Variants in PPP2R3A observed in about 807,000 individuals in gnomAD.
The protein encoded by PPP2R3A is protein phosphatase 2 regulatory subunit B''alpha, also known as serine/threonine-protein phosphatase 2A regulatory subunit B'' subunit alpha.
A neutral mutation model predicts 106.9 loss-of-function variants in PPP2R3A; 80 were observed. The ratio of observed to expected loss-of-function variants is 0.75; its 90% CI spans 0.62 to 0.90. PPP2R3A has a LOEUF of 0.90. Ranked by LOEUF, PPP2R3A falls within the 40% of genes least tolerant of loss-of-function variation. The pLI is 0.00. For synonymous variants in PPP2R3A, 483 were observed against 468.3 expected (o/e 1.03, Z -0.41); for missense variants, 1,386 against 1,350.4 (o/e 1.03, Z -0.41).
At chr3:135,994,204 A>G (rs1375761770) in intron 1 of PPP2R3A, among the ~76,000 whole-genome samples, 6 of 152,168 alleles carry the variant, frequency 3.9e-5, no homozygotes, top group South Asian at 2.1e-4. Flanking sequence ...TGAGATTTCT[A>G]TTTCTCTAGA....
At position 136,003,498 on chromosome 3, in the gene PPP2R3A, G is replaced by A; in HGVS notation, c.1995+5G>A. On this transcript the variant is annotated splice_donor_5th_base_variant and intron_variant, in intron 2 of 13. Transcript: ENST00000264977. ...CAGACTCCAGAGGTGATCAAGGTAA[G>A]ACCCAACAATTTTGAGTCCTAGGAA... 1 of 1,561,976 alleles carries A rather than the reference G, an allele frequency of 6.4e-7. No individual in the cohort carries two copies. Among genetic ancestry groups the A allele is most frequent in the Admixed American group, 2.0e-5 (1 of 48,808 alleles).
At chr3:136,030,729 A>C (rs1934840134) in intron 3 of PPP2R3A, among the ~76,000 whole-genome samples, 1 of 146,324 alleles carries the variant, frequency 6.8e-6, no homozygotes. Context: ...CCATTAATTC[A>C]TTCCTTTTTA....
intron 10 of PPP2R3A, among the ~76,000 whole-genome samples, chr3:136,092,999 A>C (rs1042828367): frequency 2.6e-5 from 4 of 152,254 alleles, no homozygotes; most frequent in African/African-American, 9.6e-5. Flanking sequence ...GCTATAAAAA[A>C]TTCAGAAGAA....
chr3:136,078,431 TAAG>T lies in PPP2R3A; in HGVS notation c.2612_2614del (p.Arg871del). 3 of 1,607,122 alleles carry T rather than the reference TAAG, an allele frequency of 1.9e-6. No individual in the cohort carries two copies. Among genetic ancestry groups the T allele is most frequent in the Non-Finnish European group, 2.6e-6 (3 of 1,174,290 alleles). The stretch of plus-strand genomic sequence containing the variant: ...AGTGGAAAAATTACTTCGACAGAGA[TAAG>T]AAAAAGCAACTTTTTGCAAGTATGC... On this transcript the variant is annotated inframe_deletion, in exon 7 of 14. Transcript: ENST00000264977.
intron 3 of PPP2R3A, among the ~76,000 whole-genome samples, chr3:136,029,602 G>GA (rs1934793961): frequency 6.6e-6 from 1 of 152,108 alleles, no homozygotes; most frequent in Non-Finnish European, 1.5e-5. Context: ...TGTGGCATCA[G>GA]AAAAAAACAG....
chr3:135,988,996 T>C (rs768333039), intron 1 of PPP2R3A, among the ~76,000 whole-genome samples: 8 of 152,190 alleles, frequency 5.3e-5, no homozygotes, highest in Non-Finnish European at 8.8e-5. Flanking sequence ...ATTTACATTT[T>C]TCCCTTCGTG....
intron 5 of PPP2R3A, among the ~76,000 whole-genome samples, chr3:136,059,911 T>C (rs1003386135): frequency 6.6e-6 from 1 of 152,206 alleles, no homozygotes; most frequent in Non-Finnish European, 1.5e-5. Context: ...TTCTCACTTA[T>C]AAGTGGGAGC....
intron 5 of PPP2R3A, among the ~76,000 whole-genome samples, chr3:136,063,059 G>T (rs1311684406): frequency 1.3e-5 from 2 of 152,154 alleles, no homozygotes; most frequent in Non-Finnish European, 2.9e-5. Context: ...CATGGTGCTG[G>T]TACCAAAACA....
intron 13 of PPP2R3A, among the ~76,000 whole-genome samples, chr3:136,126,334 G>A (rs770098959): frequency 4.6e-5 from 7 of 152,234 alleles, no homozygotes; most frequent in African/African-American, 1.2e-4. Context: ...TGCCTGGCTC[G>A]GCAGGTCCCA....
rs35988394 is a variant in PPP2R3A at position 136,002,538 on chromosome 3, G to T, written c.1040G>T (p.Arg347Leu). The T allele has an allele frequency of 6.2e-7, 1 of 1,613,908 alleles. No individual in the cohort carries two copies. The highest frequency in any genetic ancestry group is 8.5e-7 in the Non-Finnish European group (1 of 1,179,866). Residue 347 changes from arginine (R) to leucine (L), a missense_variant, in exon 2 of 14, where the codon CGA becomes CTA. Transcript: ENST00000264977. ...CAGCTCTCAGCTTCTGACTCTGGAC[G>T]ATTTCAAACTATTGAATTGCAAAAT... ...VVQLSASDSG[R>L]FQTIELQNDK...
At chr3:136,110,346 A>C (rs1273679023) in intron 13 of PPP2R3A, among the ~76,000 whole-genome samples, 1 of 152,212 alleles carries the variant, frequency 6.6e-6, no homozygotes, top group Non-Finnish European at 1.5e-5. Context: ...ATAAGAGAGA[A>C]TATCACACTC....
chr3:136,128,447 T>A (rs1046477123), intron 13 of PPP2R3A, among the ~76,000 whole-genome samples: 1 of 151,622 alleles, frequency 6.6e-6, no homozygotes, highest in African/African-American at 2.4e-5. Flanking sequence ...GGTAAAGGGA[T>A]CAATTCAACA....
rs1481835774 is a variant in PPP2R3A at position 136,146,039 on chromosome 3, A to G, written c.*873A>G. On this transcript the variant is annotated 3_prime_UTR_variant, in exon 14 of 14. Coordinates refer to ENST00000264977, the MANE Select transcript of PPP2R3A (RefSeq NM_002718.5). ...ATAATGATACATTAAAATTCTTACT[A>G]GATAGATATATTCCTTCCTCCCAGG... 6.6e-6 allele frequency: 1 copy of G among 151,530 alleles called. No homozygotes were observed. Among genetic ancestry groups the G allele is most frequent in the Non-Finnish European group, 1.5e-5 (1 of 67,616 alleles). The allele number at this position is 151,530 out of a possible 1,614,324, so 9.4% of individuals were successfully genotyped here.
At chr3:135,975,808 A>G (rs1353413604) in intron 1 of PPP2R3A, among the ~76,000 whole-genome samples, 1 of 152,096 alleles carries the variant, frequency 6.6e-6, no homozygotes, top group East Asian at 1.9e-4. Context: ...TTGGTCCCCA[A>G]GTTATCTGTA....
rs141709131 is a variant in PPP2R3A at position 136,133,536 on chromosome 3, T to C, written c.3330-11507T>C. On this transcript the variant is annotated intron_variant, in intron 13 of 13. Coordinates refer to ENST00000264977, the MANE Select transcript of PPP2R3A (RefSeq NM_002718.5). Reference sequence around the variant, plus strand: ...TTGGGCTGGTAAGGATGTAAAACTATACAGCTTCTTTAGAAAAGTTTGGCA... The same window carrying C: ...TTGGGCTGGTAAGGATGTAAAACTACACAGCTTCTTTAGAAAAGTTTGGCA... Among the ~76,000 whole-genome samples the C allele has an allele frequency of 7.5e-3, 1,140 of 152,230 alleles. 17 individuals are homozygous for C. The highest frequency in any genetic ancestry group is 0.026 in the African/African-American group (1,075 of 41,560).
intron 10 of PPP2R3A, among the ~76,000 whole-genome samples, chr3:136,092,142 A>T (rs979524082): frequency 6.6e-6 from 1 of 152,196 alleles, no homozygotes; most frequent in Non-Finnish European, 1.5e-5. Context: ...CAGCCTGGCC[A>T]ACATGATGAA....
intron 1 of PPP2R3A, among the ~76,000 whole-genome samples, chr3:135,998,711 TAGTA>T (rs1425369938): frequency 6.6e-6 from 1 of 152,178 alleles, no homozygotes; most frequent in East Asian, 1.9e-4. Context: ...TGAAAACAAA[TAGTA>T]AATAACCTAA....
intron 3 of PPP2R3A, among the ~76,000 whole-genome samples, chr3:136,036,381 T>C (rs1935086550): frequency 6.6e-6 from 1 of 152,212 alleles, no homozygotes. Flanking sequence ...CTGAAGGCTG[T>C]TAGTCAGATT....
intron 13 of PPP2R3A, among the ~76,000 whole-genome samples, chr3:136,125,000 G>A (rs1011994855): frequency 2.0e-5 from 3 of 152,162 alleles, no homozygotes; most frequent in Non-Finnish European, 4.4e-5. Flanking sequence ...TACTGAATTT[G>A]TTATTAAAAG....
Sources: gnomAD v4.1 joint callset for allele counts (sites outside exome capture counted in the v4.1 genomes callset) on GRCh38, gnomAD v4.1.1 for gene constraint, MANE v1.5 for transcripts, NCBI Gene and HGNC (gene_info 2026-07-23, HGNC 2026-07-21) for gene names.